The following CNBD2 variants were observed in gnomAD, a reference collection of about 807,000 sequenced individuals.
CNBD2 encodes the protein cyclic nucleotide binding domain containing 2.
A neutral mutation model predicts 63.7 loss-of-function variants in CNBD2; 64 were observed. That is an observed-to-expected ratio of 1.00 (90% CI 0.82 to 1.24). The LOEUF (loss-of-function observed/expected upper bound fraction) is 1.24, where lower values mean the gene tolerates loss of function less well. Among genes scored for constraint, CNBD2 ranks in the 50% most tolerant of loss-of-function variants. CNBD2 has a pLI of 0.00. For synonymous variants in CNBD2, 229 were observed against 255.4 expected, an observed-to-expected ratio of 0.90 and a Z score of 0.99; for missense variants, 691 against 713.5, an observed-to-expected ratio of 0.97 and a Z score of 0.36.
chr20:35,996,508 G>T (rs201324857), intron 8 of CNBD2, among the ~76,000 whole-genome samples: 5,493 of 131,964 alleles, frequency 0.042, 144 homozygotes, highest in Non-Finnish European at 0.061. Flanking sequence ...CTCTCTTTTT[G>T]TTTTTTTTTT....
intron 2 of CNBD2, among the ~76,000 whole-genome samples, chr20:35,961,795 A>G (rs1198312641): frequency 6.6e-6 from 1 of 152,044 alleles, no homozygotes; most frequent in Non-Finnish European, 1.5e-5. Context: ...TTTTGTGAGT[A>G]TGTGAATTGG....
At position 36,030,439 on chromosome 20, in the gene CNBD2, C is replaced by A. The variant is rs772511844; in HGVS notation, c.1522C>A (p.Pro508Thr). The A allele has an allele frequency of 9.9e-6, 16 of 1,614,018 alleles. No individual in the cohort carries two copies. Among genetic ancestry groups the A allele is most frequent in the South Asian group, 5.5e-5 (5 of 91,076 alleles). The change falls in exon 12 of 12, where the codon CCT (proline) becomes ACT (threonine). Residue 508 changes from proline to threonine, a missense_variant. By Grantham distance (38) the Pro-to-Thr change is conservative. Transcript: ENST00000373973. The part of the protein sequence containing the change: ...RKDLLQLLVE[P>T]CQSQLFTPNR... ...GGACCTGTTGCAGCTGCTCGTGGAG[C>A]CTTGCCAAAGTCAACTGTTCACTCC...
chr20:35,962,028 C>T (rs565402578), intron 2 of CNBD2, among the ~76,000 whole-genome samples: 16 of 152,244 alleles, frequency 1.1e-4, no homozygotes, highest in Non-Finnish European at 1.5e-4. Context: ...TGGAGAAGTA[C>T]GAGTTTTGCC....
upstream of CNBD2, among the ~76,000 whole-genome samples, chr20:35,965,245 TTG>T (rs1192482515): frequency 9.9e-5 from 15 of 150,852 alleles, no homozygotes; most frequent in Admixed American, 2.0e-4. Flanking sequence ...TGGTGCAATC[TTG>T]GCTCACTGCA....
In CNBD2 at chr20:36,024,596, T is replaced by A. The variant is rs551041526; in HGVS notation, c.1439+825T>A. Among the ~76,000 whole-genome samples the A allele has an allele frequency of 6.0e-5, 9 of 151,238 alleles. 1 individual carries two copies. The South Asian group carries it at 1.9e-3, about 31-fold the overall frequency. ...GTGAGCCAAAATTACACCATTGCAC[T>A]CCAGCCTGGGTGGCAGAGCAAGATT... On this transcript the variant is annotated intron_variant, in intron 11 of 11. Coordinates refer to ENST00000373973, the MANE Select transcript of CNBD2 (RefSeq NM_001365709.1).
chr20:35,959,271 A>G (rs1302100514), downstream of CNBD2: 1 of 152,114 alleles, frequency 6.6e-6, no homozygotes, highest in African/African-American at 2.4e-5. Flanking sequence ...ACTTCCTTGA[A>G]TATGTAAGTT....
At chr20:35,972,595 G>A (rs970225969) in intron 1 of CNBD2, 34 bp from the exon 2 acceptor site, 1 of 1,610,540 alleles carries the variant, frequency 6.2e-7, no homozygotes, top group African/African-American at 1.3e-5. Flanking sequence ...AGAACAGATG[G>A]TTTCTATTGA....
chr20:35,954,575 G>A (rs1408262239), upstream of CNBD2: 31 of 1,453,178 alleles, frequency 2.1e-5, no homozygotes, highest in Non-Finnish European at 2.8e-5. Flanking sequence ...GCGTTCTCGA[G>A]TCGCATGAGG....
In CNBD2 at chr20:35,984,516, C is replaced by T. The variant is rs1162877630; in HGVS notation, c.565-111C>T. On this transcript the variant is annotated intron_variant, in intron 5 of 11. Coordinates refer to ENST00000373973, the MANE Select transcript of CNBD2 (RefSeq NM_001365709.1). ...TAGAGGAGGCTAGGGAACACACAGT[C>T]TGGTGAGGAGAGAATTCAGGGGGAA... The T allele has an allele frequency of 8.6e-6, 10 of 1,159,014 alleles. No homozygotes were observed. The East Asian group carries it at 2.5e-4, about 29-fold the overall frequency. The allele number at this position is 1,159,014 out of a possible 1,614,324, so 71.8% of individuals were successfully genotyped here.
intron 8 of CNBD2, among the ~76,000 whole-genome samples, chr20:36,004,812 C>T (rs2056962847): frequency 6.6e-6 from 1 of 152,108 alleles, no homozygotes; most frequent in Non-Finnish European, 1.5e-5. Context: ...ATCTTCCCAC[C>T]TCAGCCTCCC....
Position 36,030,660 on chromosome 20 carries a change from AG to A in CNBD2, c.*16del. The A allele has an allele frequency of 6.2e-7, 1 of 1,613,310 alleles. No homozygotes were observed. Among genetic ancestry groups the A allele is most frequent in the Non-Finnish European group, 8.5e-7 (1 of 1,179,452 alleles). On this transcript the variant is annotated 3_prime_UTR_variant, in exon 12 of 12. Coordinates refer to ENST00000373973, the MANE Select transcript of CNBD2 (RefSeq NM_001365709.1). The stretch of plus-strand genomic sequence containing the variant: ...AACTCTTGGCTTAGTGTAAGAGCAC[AG>A]GGGTCCTTATTTAGGACAAATAAAG...
At chr20:35,976,224 A>G (rs1394453784) in intron 3 of CNBD2, among the ~76,000 whole-genome samples, 1 of 152,248 alleles carries the variant, frequency 6.6e-6, no homozygotes. Flanking sequence ...TGTAGGAACC[A>G]GCTGTCACTG....
upstream of CNBD2, among the ~76,000 whole-genome samples, chr20:35,964,307 A>C (rs1162227762): frequency 6.6e-6 from 1 of 151,558 alleles, no homozygotes; most frequent in African/African-American, 2.4e-5. Flanking sequence ...CGGCCTCCCT[A>C]ATAGCTGGGA....
intron 11 of CNBD2, among the ~76,000 whole-genome samples, chr20:36,030,055 C>G (rs1187529473): frequency 6.6e-6 from 1 of 152,200 alleles, no homozygotes; most frequent in African/African-American, 2.4e-5. Context: ...ATTTTACTTT[C>G]TAAGTTCTGT....
chr20:35,958,958 T>C (rs544956342), downstream of CNBD2: 1 of 152,378 alleles, frequency 6.6e-6, no homozygotes, highest in South Asian at 2.1e-4. Context: ...ATCAATAGTT[T>C]GTCCTTTTTA....
At chr20:36,006,485 T>C (rs914315734) in intron 8 of CNBD2, among the ~76,000 whole-genome samples, 2 of 152,242 alleles carry the variant, frequency 1.3e-5, no homozygotes, top group African/African-American at 2.4e-5. Flanking sequence ...GGCATGAACA[T>C]GGCTCAATAC....
chr20:36,014,093 G>T (rs186961289), intron 10 of CNBD2, among the ~76,000 whole-genome samples: 4 of 148,128 alleles, frequency 2.7e-5, no homozygotes, highest in Non-Finnish European at 5.9e-5. Flanking sequence ...TGAGGCAGGA[G>T]AATGGCGGGA....
chr20:35,997,609 T>C (rs901587172), intron 8 of CNBD2, among the ~76,000 whole-genome samples: 1 of 152,056 alleles, frequency 6.6e-6, no homozygotes, highest in Non-Finnish European at 1.5e-5. Context: ...GCCCTCAGAG[T>C]CTGTAAAATG....
At chr20:35,984,571 T>C in intron 5 of CNBD2, 56 bp from the exon 6 acceptor site, 1 of 1,588,150 alleles carries the variant, frequency 6.3e-7, no homozygotes, top group Non-Finnish European at 8.6e-7. Flanking sequence ...TGTGTAAGGC[T>C]GAGGACAGGA....
Sources: allele counts gnomAD v4.1 joint callset (sites outside exome capture counted in the v4.1 genomes callset), GRCh38; gene constraint gnomAD v4.1.1; transcripts MANE v1.5; gene names NCBI Gene and HGNC (gene_info 2026-07-23, HGNC 2026-07-21).